TMTC2: variants seen among roughly 807,000 people sequenced by gnomAD.
The protein encoded by TMTC2 is protein O-mannosyl-transferase TMTC2.
A neutral mutation model predicts 82.4 loss-of-function variants in TMTC2; 43 were observed. The observed-to-expected ratio is 0.52, with a 90% CI of 0.41 to 0.67. TMTC2 has a LOEUF of 0.67. TMTC2 is among the 30% of genes least tolerant of loss of function. The probability of loss-of-function intolerance (pLI) is 0.00; values close to 1 mark genes in which losing one functional copy is unlikely to be tolerated. For missense variants in TMTC2, 919 were observed against 1,012.4 expected, an observed-to-expected ratio of 0.91 and a Z score of 1.25; for synonymous variants, 408 against 381.9, an observed-to-expected ratio of 1.07 and a Z score of -0.80.
At chr12:82,721,042 G>T (rs1296643307) in intron 1 of TMTC2, among the ~76,000 whole-genome samples, 2 of 152,166 alleles carry the variant, frequency 1.3e-5, no homozygotes, top group African/African-American at 2.4e-5. Context: ...CATCAAGAAA[G>T]GATTTACAAA....
chr12:83,045,726 C>CACACACACACACACCA (rs747864661), intron 9 of TMTC2, among the ~76,000 whole-genome samples: 4 of 77,518 alleles, frequency 5.2e-5, no homozygotes, highest in Admixed American at 1.5e-4. Flanking sequence ...CACACACACA[C>CACACACACACACACCA]GCACACACAC....
chr12:83,076,680 C>G lies in TMTC2; in HGVS notation c.2331+14849C>G, dbSNP rs1883292662. ...TGGTTGTTCCCATAGCCAGCTTCCTCCGTTTCTATTATTTTACAGGTATTT... is the reference window on the plus strand; with the variant it reads ...TGGTTGTTCCCATAGCCAGCTTCCTGCGTTTCTATTATTTTACAGGTATTT... On this transcript the variant is annotated intron_variant, in intron 11 of 11. Transcript: ENST00000321196. Among the ~76,000 whole-genome samples, 3 of 152,200 alleles carry G rather than the reference C, an allele frequency of 2.0e-5. No homozygotes were observed. In the South Asian group the frequency reaches 6.2e-4, roughly 31 times the overall value.
intron 11 of TMTC2, among the ~76,000 whole-genome samples, chr12:83,065,066 G>C (rs1882870637): frequency 6.6e-6 from 1 of 151,830 alleles, no homozygotes; most frequent in Admixed American, 6.6e-5. Context: ...ATCTGTAGCT[G>C]TATGTGGGAG....
chr12:83,008,539 C>T (rs1345459384), intron 8 of TMTC2, among the ~76,000 whole-genome samples: 1 of 152,172 alleles, frequency 6.6e-6, no homozygotes, highest in Non-Finnish European at 1.5e-5. Flanking sequence ...ATGTTGTTTA[C>T]TTTTTCCATT....
At chr12:83,064,354 C>T (rs1380778978) in intron 11 of TMTC2, among the ~76,000 whole-genome samples, 1 of 151,760 alleles carries the variant, frequency 6.6e-6, no homozygotes, top group African/African-American at 2.4e-5. Context: ...TTTCTGAACC[C>T]TCAAAATGTT....
chr12:83,119,507 G>A (rs572442555), intron 11 of TMTC2, among the ~76,000 whole-genome samples: 1 of 152,280 alleles, frequency 6.6e-6, no homozygotes, highest in Non-Finnish European at 1.5e-5. Context: ...GTGTGAGAGA[G>A]TGCATGATAT....
chr12:82,837,754 A>G (rs1252868698), intron 1 of TMTC2, among the ~76,000 whole-genome samples: 21 of 152,172 alleles, frequency 1.4e-4, no homozygotes. Flanking sequence ...GAAATGGACC[A>G]AGGGGAATTG....
chr12:83,023,697 C>A (rs1163280424), intron 8 of TMTC2, among the ~76,000 whole-genome samples: 1 of 152,218 alleles, frequency 6.6e-6, no homozygotes, highest in Non-Finnish European at 1.5e-5. Flanking sequence ...ACCATGGAAT[C>A]ATTCCTCCCT....
chr12:82,974,762 A>G (rs543882821), intron 7 of TMTC2, among the ~76,000 whole-genome samples: 1 of 152,320 alleles, frequency 6.6e-6, no homozygotes, highest in African/African-American at 2.4e-5. Flanking sequence ...TGAAGCATGG[A>G]CAGCCTTGTA....
intron 1 of TMTC2, among the ~76,000 whole-genome samples, chr12:82,720,335 G>A (rs568992767): frequency 6.6e-6 from 1 of 152,020 alleles, no homozygotes; most frequent in African/African-American, 2.4e-5. Flanking sequence ...TTCATAACTG[G>A]CCTCTTTTAC....
At chr12:82,914,287 T>A (rs1029955870) in intron 3 of TMTC2, among the ~76,000 whole-genome samples, 8 of 151,156 alleles carry the variant, frequency 5.3e-5, no homozygotes, top group Non-Finnish European at 1.5e-5. Flanking sequence ...CACATAAATA[T>A]TTTATTTGCA....
chr12:83,081,045 G>T (rs910059388), intron 11 of TMTC2, among the ~76,000 whole-genome samples: 2 of 152,064 alleles, frequency 1.3e-5, no homozygotes, highest in Non-Finnish European at 2.9e-5. Context: ...ACAGTAAATG[G>T]GCTTATATCA....
At chr12:83,111,474 TATG>T (rs1027381756) in intron 11 of TMTC2, among the ~76,000 whole-genome samples, 168 of 152,320 alleles carry the variant, frequency 1.1e-3, no homozygotes, top group African/African-American at 3.8e-3. Flanking sequence ...TTTCATGTGT[TATG>T]ATGTATTCTT....
intron 1 of TMTC2, among the ~76,000 whole-genome samples, chr12:82,851,291 G>A (rs1870962734): frequency 6.6e-6 from 1 of 152,038 alleles, no homozygotes; most frequent in African/African-American, 2.4e-5. Context: ...TTAGCCAGGT[G>A]TGGTGGTGGG....
chr12:82,727,485 C>T (rs968561077), intron 1 of TMTC2, among the ~76,000 whole-genome samples: 10 of 151,886 alleles, frequency 6.6e-5, no homozygotes, highest in African/African-American at 2.2e-4. Flanking sequence ...TGGTGGCTCA[C>T]GGTGGAGGGT....
At chr12:82,976,220 G>A (rs1006250175) in intron 7 of TMTC2, among the ~76,000 whole-genome samples, 5 of 151,752 alleles carry the variant, frequency 3.3e-5, no homozygotes, top group African/African-American at 4.8e-5. Context: ...TGATTAGCCC[G>A]GAGAACTTCA....
chr12:82,875,309 T>C (rs1047805985), intron 2 of TMTC2, among the ~76,000 whole-genome samples: 12 of 152,126 alleles, frequency 7.9e-5, no homozygotes, highest in African/African-American at 2.4e-4. Context: ...TCTGACACTT[T>C]AACTCTTCTG....
chr12:83,081,455 C>T (rs1159174733), intron 11 of TMTC2, among the ~76,000 whole-genome samples: 1 of 152,138 alleles, frequency 6.6e-6, no homozygotes, highest in South Asian at 2.1e-4. Context: ...TTCTCACTCA[C>T]TTGCCTGGCC....
chr12:82,719,671 C>CTT (rs202235180), intron 1 of TMTC2, among the ~76,000 whole-genome samples: 100,047 of 127,938 alleles, frequency 0.78, 39,916 homozygotes, highest in Non-Finnish European at 0.8. Flanking sequence ...GTCTCTCTGT[C>CTT]TTTTTTTTTT....
Sources: allele counts gnomAD v4.1 joint callset (sites outside exome capture counted in the v4.1 genomes callset), GRCh38; gene constraint gnomAD v4.1.1; transcripts MANE v1.5; gene names NCBI Gene and HGNC (gene_info 2026-07-23, HGNC 2026-07-21).